The following PHF20L1 variants were observed in gnomAD, a reference collection of about 807,000 sequenced individuals.
The protein encoded by PHF20L1 is PHD finger protein 20-like protein 1.
A neutral mutation model predicts 125.5 loss-of-function variants in PHF20L1; 44 were observed. That is an observed-to-expected ratio of 0.35 (90% confidence interval 0.28 to 0.45). The LOEUF (loss-of-function observed/expected upper bound fraction) is 0.45, where lower values mean the gene tolerates loss of function less well. Among genes scored for constraint, PHF20L1 ranks in the 20% least tolerant of loss-of-function variants. PHF20L1 has a pLI of 1.00. For synonymous variants in PHF20L1, 380 were observed against 403.1 expected (o/e 0.94, Z 0.69); for missense variants, 1,012 against 1,217.2 (o/e 0.83, Z 2.51).
chr8:132,804,556 T>C (rs745612950), intron 7 of PHF20L1, 59 bp from the exon 8 acceptor site: 1 of 1,361,002 alleles, frequency 7.3e-7, no homozygotes, highest in Non-Finnish European at 1.0e-6. Context: ...TGTTAAAAAA[T>C]CATGTGTTTT....
intron 2 of PHF20L1, among the ~76,000 whole-genome samples, chr8:132,786,926 G>A (rs530476492): frequency 6.6e-6 from 1 of 152,138 alleles, no homozygotes; most frequent in African/African-American, 2.4e-5. Flanking sequence ...TAATCAGTAG[G>A]CATATAAACA....
Position 132,817,383 on chromosome 8 carries a change from C to G in PHF20L1, c.1417C>G (p.Leu473Val), listed in dbSNP as rs940516480. The change falls in exon 12 of 21, where the codon CTC becomes GTC. Residue 473 changes from leucine to valine, a missense_variant. Leu to Val is a conservative substitution (Grantham distance 32). Transcript: ENST00000395386. ...HLPLEKLGPC[L>V]PLDLSRGSEV... The stretch of plus-strand genomic sequence containing the variant: ...GCCACTTGAGAAGCTGGGACCCTGT[C>G]TCCCTCTTGACTTAAGTCGTGGTTC... 2 of 1,612,638 alleles carry G rather than the reference C, an allele frequency of 1.2e-6. No individual in the cohort carries two copies. Among genetic ancestry groups the G allele is most frequent in the Admixed American group, 3.3e-5 (2 of 59,858 alleles).
intron 4 of PHF20L1, among the ~76,000 whole-genome samples, chr8:132,797,791 G>A (rs948397299): frequency 4.6e-5 from 7 of 151,602 alleles, no homozygotes; most frequent in African/African-American, 7.3e-5. Context: ...ATATATTATC[G>A]GCTTTGGTGC....
chr8:132,832,274 A>G lies in PHF20L1; in HGVS notation c.1784A>G (p.Glu595Gly). ...DYEDSSLEFL[E>G]RCSSPLTRSS... ...GAAGACAGTTCCCTCGAATTTTTGG[A>G]AAGGTGCTCTTCTCCACTAACTCGA... The change falls in exon 15 of 21, where the codon GAA (glutamate) becomes GGA (glycine). Residue 595 changes from glutamate (E) to glycine (G), a missense_variant. Glu to Gly is a moderately conservative substitution (Grantham distance 98, BLOSUM62 -2). This residue lies in a region of PHF20L1 where 320 missense variants were observed against 293.8 expected (regional missense o/e 1.09). Coordinates refer to ENST00000395386, the MANE Select transcript of PHF20L1 (RefSeq NM_016018.5). The G allele has an allele frequency of 6.2e-7, 1 of 1,605,736 alleles. No individual in the cohort carries two copies. The highest frequency in any genetic ancestry group is 8.5e-7 in the Non-Finnish European group (1 of 1,172,768).
Position 132,799,189 on chromosome 8 carries a change from T to A in PHF20L1, c.507+17T>A, listed in dbSNP as rs2244885. On this transcript the variant is annotated intron_variant, in intron 6 of 20. Coordinates refer to ENST00000395386, the MANE Select transcript of PHF20L1 (RefSeq NM_016018.5). ...GGAAGTGAGGTAAGAGCCTTTTTTTTAAAAATTTTGTTTTGTTTTTCCTGG... is the reference window on the plus strand; with the variant it reads ...GGAAGTGAGGTAAGAGCCTTTTTTTAAAAAATTTTGTTTTGTTTTTCCTGG... 655,230 of 1,549,040 alleles carry A rather than the reference T, an allele frequency of 0.42. 140,400 individuals are homozygous for A. Among genetic ancestry groups the A allele is most frequent in the South Asian group, 0.51 (42,641 of 83,154 alleles).
At chr8:132,797,834 T>C (rs140626655) in intron 4 of PHF20L1, among the ~76,000 whole-genome samples, 1 of 152,178 alleles carries the variant, frequency 6.6e-6, no homozygotes, top group African/African-American at 2.4e-5. Flanking sequence ...GATTGTCACA[T>C]TTCTTGTTTA....
chr8:132,818,217 T>C (rs1279762701), intron 12 of PHF20L1: 2 of 151,958 alleles, frequency 1.3e-5, no homozygotes, highest in East Asian at 3.9e-4. Context: ...TTAAGAATTA[T>C]AACCTGATCT....
At chr8:132,807,943 C>A in intron 8 of PHF20L1, 1 of 232,096 alleles carries the variant, frequency 4.3e-6, no homozygotes, top group South Asian at 4.7e-5. Context: ...TAGGTACTTG[C>A]TTATAATTTC....
intron 8 of PHF20L1, among the ~76,000 whole-genome samples, chr8:132,805,604 A>T (rs933289633): frequency 2.2e-4 from 34 of 152,006 alleles, no homozygotes; most frequent in Non-Finnish European, 2.9e-4. Flanking sequence ...ATAAAGCTGT[A>T]AAAACCTTTG....
At chr8:132,797,197 A>G (rs1467139284) in intron 4 of PHF20L1, among the ~76,000 whole-genome samples, 5 of 152,084 alleles carry the variant, frequency 3.3e-5, no homozygotes, top group South Asian at 2.1e-4. Context: ...TGATTTCTGT[A>G]TGCCCCAAGT....
chr8:132,837,588 G>A (rs369298453), intron 16 of PHF20L1, 124 bp from the exon 17 acceptor site: 4 of 671,664 alleles, frequency 6.0e-6, no homozygotes, highest in African/African-American at 3.5e-5. Flanking sequence ...TGTCAAATAA[G>A]TATGAAACTG....
chr8:132,840,277 T>C (rs1837795913), intron 18 of PHF20L1, among the ~76,000 whole-genome samples: 1 of 152,096 alleles, frequency 6.6e-6, no homozygotes, highest in East Asian at 1.9e-4. Context: ...CTCCTTCCCT[T>C]CCCATCCTTG....
Position 132,804,047 on chromosome 8 carries a change from C to T in PHF20L1, c.721+15C>T. Reference sequence around the variant, plus strand: ...TGAAACATTTGGTACAAAATACATTCTTACGTTAATTCCTTATGACACTGG... The same window carrying T: ...TGAAACATTTGGTACAAAATACATTTTTACGTTAATTCCTTATGACACTGG... On this transcript the variant is annotated intron_variant, in intron 7 of 20. Transcript: ENST00000395386. 3.3e-6 allele frequency: 5 copies of T among 1,529,404 alleles called. No individual in the cohort carries two copies. Among genetic ancestry groups the T allele is most frequent in the Non-Finnish European group, 4.5e-6 (5 of 1,104,476 alleles). The allele number at this position is 1,529,404 out of a possible 1,614,324, so 94.7% of individuals were successfully genotyped here.
rs376463934 is a variant in PHF20L1 at position 132,814,305 on chromosome 8, G to A, written c.931-332G>A. On this transcript the variant is annotated intron_variant, in intron 9 of 20. Transcript: ENST00000395386. Reference sequence around the variant, plus strand: ...GTTTATTTTTCGAATTATTGTCATTGGCAATTATGGTTCCTAAAGGGGTAT... The same window carrying A: ...GTTTATTTTTCGAATTATTGTCATTAGCAATTATGGTTCCTAAAGGGGTAT... Among the ~76,000 whole-genome samples the A allele has an allele frequency of 2.6e-4, 39 of 151,878 alleles. 2 individuals carry two copies. The South Asian group carries it at 7.9e-3, about 31-fold the overall frequency.
At chr8:132,820,076 GTTC>G (rs1465031127) in intron 12 of PHF20L1, among the ~76,000 whole-genome samples, 3 of 151,706 alleles carry the variant, frequency 2.0e-5, no homozygotes, top group Non-Finnish European at 2.9e-5. Flanking sequence ...TCTCTCGTAT[GTTC>G]TTCTGCTGGG....
In PHF20L1 at chr8:132,846,081, G is replaced by A. The variant is rs868098480; in HGVS notation, c.*158G>A. The stretch of plus-strand genomic sequence containing the variant: ...ATGGCACCTTGGAAAGAAAAATGAA[G>A]AACAACTTTATCAAGGAAGCTAGTA... On this transcript the variant is annotated 3_prime_UTR_variant, in exon 21 of 21. Coordinates refer to ENST00000395386, the MANE Select transcript of PHF20L1 (RefSeq NM_016018.5). 1.3e-5 allele frequency: 7 copies of A among 545,838 alleles called. No homozygotes were observed. In the African/African-American group the frequency reaches 1.3e-4, roughly 10 times the overall value. The allele number at this position is 545,838 out of a possible 1,614,324, so 33.8% of individuals were successfully genotyped here.
chr8:132,814,597 A>C (rs762992589), intron 9 of PHF20L1, 40 bp from the exon 10 acceptor site: 5 of 1,409,596 alleles, frequency 3.5e-6, no homozygotes, highest in Non-Finnish European at 4.8e-6. Flanking sequence ...AAAAATGAAG[A>C]AGCCAAAATA....
At chr8:132,789,704 A>G (rs1204755746) in intron 2 of PHF20L1, among the ~76,000 whole-genome samples, 2 of 152,114 alleles carry the variant, frequency 1.3e-5, no homozygotes, top group Non-Finnish European at 2.9e-5. Context: ...TCAGCGGTGG[A>G]GGTGATTATT....
At chr8:132,829,823 T>G (rs1337630420) in intron 14 of PHF20L1, among the ~76,000 whole-genome samples, 2 of 152,116 alleles carry the variant, frequency 1.3e-5, no homozygotes, top group East Asian at 3.9e-4. Context: ...CTTGCCTCAA[T>G]TCTTTACTAG....
Sources: gnomAD v4.1 joint callset for allele counts (sites outside exome capture counted in the v4.1 genomes callset) on GRCh38, gnomAD v4.1.1 for gene constraint, gnomAD v4.1.1 regional missense constraint, MANE v1.5 for transcripts, NCBI Gene and HGNC (gene_info 2026-07-23, HGNC 2026-07-21) for gene names.